KHDC3L: variants seen among roughly 807,000 people sequenced by gnomAD.
KHDC3L encodes KH domain containing 3 like, subcortical maternal complex member, also known as KH domain-containing protein 3.
In KHDC3L, 6 loss-of-function variants were observed where a neutral mutation model predicts 11.4. The ratio of observed to expected loss-of-function variants is 0.52; its 90% CI spans 0.29 to 1.03. The LOEUF (loss-of-function observed/expected upper bound fraction) is 1.03. Among genes scored for constraint, KHDC3L ranks in the 50% least tolerant of loss-of-function variants. KHDC3L has a pLI of 0.09. For synonymous variants in KHDC3L, 127 were observed against 120.9 expected (o/e 1.05, Z -0.33); for missense variants, 293 against 290.4 (o/e 1.01, Z -0.07).
Position 73,363,702 on chromosome 6 carries a change from G to C in KHDC3L, c.496G>C (p.Gly166Arg). 6.2e-7 allele frequency: 1 copy of C among 1,613,146 alleles called. No individual in the cohort carries two copies. The highest frequency in any genetic ancestry group is 1.7e-5 in the Admixed American group (1 of 60,002). ...TQRSVEVQEVGTQGSPVEVQE... is the reference protein window; with the variant it reads ...TQRSVEVQEVRTQGSPVEVQE... Reference sequence around the variant, plus strand: ...GCGTTCGGTGGAAGTCCAGGAGGTCGGGACACAGGGTTCTCCGGTGGAGGT... The same window carrying C: ...GCGTTCGGTGGAAGTCCAGGAGGTCCGGACACAGGGTTCTCCGGTGGAGGT... Residue 166 changes from glycine to arginine, a missense_variant, in exon 3 of 3, where the codon GGG becomes CGG. Transcript: ENST00000370367.
At chr6:73,363,512 T>A (rs1255542866) in intron 2 of KHDC3L, 44 bp from the exon 3 acceptor site, 1 of 1,588,334 alleles carries the variant, frequency 6.3e-7, no homozygotes, top group Non-Finnish European at 8.5e-7. Context: ...TTGGAGAGGA[T>A]ATAGAGACAC....
chr6:73,362,714 C>T lies in KHDC3L; in HGVS notation c.-16C>T. 6.2e-7 allele frequency: 1 copy of T among 1,613,698 alleles called. No homozygotes were observed. Among genetic ancestry groups the T allele is most frequent in the Non-Finnish European group, 8.5e-7 (1 of 1,179,888 alleles). ...TTTGCTGTGGTGTCCTTGTCTCCTG[C>T]AGGACCGGCCGCAGCATGGACGCTC... On this transcript the variant is annotated 5_prime_UTR_variant, in exon 1 of 3. Transcript: ENST00000370367.
chr6:73,362,956 C>G, intron 1 of KHDC3L, 58 bp downstream of exon 1: 1 of 1,610,176 alleles, frequency 6.2e-7, no homozygotes, highest in Non-Finnish European at 8.5e-7. Context: ...CCCATACCCA[C>G]AGCCCACATA....
chr6:73,362,926 C>G (rs771473640), intron 1 of KHDC3L, 28 bp downstream of exon 1: 2 of 1,614,010 alleles, frequency 1.2e-6, no homozygotes, highest in South Asian at 2.2e-5. Context: ...GGGCAGCCCC[C>G]ATGCGGCTTC....
At chr6:73,363,345 C>T (rs1469587144) in intron 2 of KHDC3L, 71 bp downstream of exon 2, 12 of 1,577,848 alleles carry the variant, frequency 7.6e-6, no homozygotes, top group African/African-American at 5.4e-5. Context: ...GGTTTCCTGG[C>T]TGCTGGGGCG....
At position 73,362,827 on chromosome 6, in the gene KHDC3L, G is replaced by T. The variant is rs370624464; in HGVS notation, c.98G>T (p.Trp33Leu). The change falls in exon 1 of 3, where the codon TGG (tryptophan) becomes TTG (leucine). Residue 33 changes from tryptophan (W) to leucine (L), a missense_variant. Physicochemically the swap from Trp to Leu is moderately conservative, Grantham distance 61. Coordinates refer to ENST00000370367, the MANE Select transcript of KHDC3L (RefSeq NM_001017361.3). ...VLGHLPKRFS[W>L]FHSEFLKNPK... The stretch of plus-strand genomic sequence containing the variant: ...GGTCACCTCCCTAAGCGGTTCTCCT[G>T]GTTCCACTCTGAGTTCCTGAAGAAT... 2.2e-5 allele frequency: 36 copies of T among 1,614,090 alleles called. No individual in the cohort carries two copies. In the East Asian group the frequency reaches 4.7e-4, roughly 21 times the overall value.
Position 73,364,080 on chromosome 6 carries a change from C to T in KHDC3L, c.*220C>T, listed in dbSNP as rs910725555. On this transcript the variant is annotated 3_prime_UTR_variant, in exon 3 of 3. Transcript: ENST00000370367. ...ACTTAAGTCCAGGAAGCTGGGGTGG[C>T]GAGGAAGGATGATGTGGATTGTTTT... 4 of 610,306 alleles carry T rather than the reference C, an allele frequency of 6.6e-6. No homozygotes were observed. In the Admixed American group the frequency reaches 8.4e-5, roughly 13 times the overall value. 37.8% of individuals were successfully genotyped at this position (610,306 alleles called of 1,614,324 possible). A position where few individuals can be genotyped will look rare whatever the true frequency, so the allele number is the denominator to read the frequency against.
rs1440019881 is a variant in KHDC3L at position 73,362,898 on chromosome 6, G to A, written c.169G>A (p.Gly57Ser). ...LEVWLVEKIF[G>S]RGGERIPHVQ... ...GGTTTGGCTGGTGGAAAAGATCTTC[G>A]GTGAGTGGACCAAGAAGGGGCAGCC... The change falls in exon 1 of 3, where the codon GGC becomes AGC. Residue 57 changes from glycine (G) to serine (S), a missense_variant and splice_region_variant. Gly to Ser is a moderately conservative substitution (Grantham distance 56). Coordinates refer to ENST00000370367, the MANE Select transcript of KHDC3L (RefSeq NM_001017361.3). 1 of 1,614,078 alleles carries A rather than the reference G, an allele frequency of 6.2e-7. No individual in the cohort carries two copies. Among genetic ancestry groups the A allele is most frequent in the East Asian group, 2.2e-5 (1 of 44,860 alleles).
rs1423671842 is a variant in KHDC3L at position 73,363,911 on chromosome 6, C to T, written c.*51C>T. On this transcript the variant is annotated 3_prime_UTR_variant, in exon 3 of 3. Transcript: ENST00000370367. ...GCCAGTCAGGGGTTAAAGTGAAAGC[C>T]CGTATTTCCGCCCAGAAGCTGGGGT... 1.3e-5 allele frequency: 21 copies of T among 1,574,152 alleles called. No homozygotes were observed. Among genetic ancestry groups the T allele is most frequent in the Non-Finnish European group, 1.8e-5 (21 of 1,157,138 alleles).
chr6:73,363,781 A>C lies in KHDC3L; in HGVS notation c.575A>C (p.Gln192Pro), dbSNP rs2150776053. The C allele has an allele frequency of 6.2e-7, 1 of 1,612,868 alleles. No individual in the cohort carries two copies. The highest frequency in any genetic ancestry group is 2.2e-5 in the East Asian group (1 of 44,824). ...SLQAANKSGT[Q>P]RSPEAASKAV... ...CAGGCTGCCAACAAGTCGGGGACCC[A>C]GCGATCCCCCGAAGCTGCCAGCAAG... is the stretch of plus-strand genomic sequence containing the variant. The change falls in exon 3 of 3, where the codon CAG becomes CCG. Residue 192 changes from glutamine to proline, a missense_variant. By Grantham distance (76) the Gln-to-Pro change is moderately conservative. Coordinates refer to ENST00000370367, the MANE Select transcript of KHDC3L (RefSeq NM_001017361.3).
At chr6:73,362,972 G>T in intron 1 of KHDC3L, 74 bp downstream of exon 1, 2 of 1,608,436 alleles carry the variant, frequency 1.2e-6, no homozygotes, top group South Asian at 1.1e-5. Flanking sequence ...ACATATTCTG[G>T]CTGCGTTCCA....
In KHDC3L at chr6:73,363,160, T is replaced by C. The variant is rs1582619348; in HGVS notation, c.235T>C (p.Leu79=). Residue 79 remains leucine, a synonymous_variant, in exon 2 of 3, where the codon TTG becomes CTG. Transcript: ENST00000370367. The part of the protein sequence containing the change: ...MSQILIHVNR[L]DPNGEAEILV... ...CCAAATCTTGATTCACGTGAATCGA[T>C]TGGACCCTAACGGCGAGGCTGAGAT... 2 of 1,614,034 alleles carry C rather than the reference T, an allele frequency of 1.2e-6. No homozygotes were observed. The highest frequency in any genetic ancestry group is 1.6e-4 in the Middle Eastern group (1 of 6,062).
rs1562275168 is a variant in KHDC3L, at chr6:73,364,140, A to C, written c.*280A>C. 1 of 526,390 alleles carries C rather than the reference A, an allele frequency of 1.9e-6. No homozygotes were observed. The highest frequency in any genetic ancestry group is 3.4e-6 in the Non-Finnish European group (1 of 291,930). The allele number at this position is 526,390 out of a possible 1,614,324, so 32.6% of individuals were successfully genotyped here. On this transcript the variant is annotated 3_prime_UTR_variant, in exon 3 of 3. Coordinates refer to ENST00000370367, the MANE Select transcript of KHDC3L (RefSeq NM_001017361.3). The stretch of plus-strand genomic sequence containing the variant: ...CCTTCTGTTGAATGGTTGCCAACAC[A>C]AACTTGAGTTCTAATAAATAATTGC...
rs756721283 is a variant in KHDC3L at position 73,363,872 on chromosome 6, G to A, written c.*12G>A. 2 of 1,605,528 alleles carry A rather than the reference G, an allele frequency of 1.2e-6. No individual in the cohort carries two copies. On this transcript the variant is annotated 3_prime_UTR_variant, in exon 3 of 3. Transcript: ENST00000370367. ...TTACTAGATTATGAAGGCATCTCAG[G>A]CCCTGGAGCCAGAGCCAGTCAGGGG...
chr6:73,363,194 T>C lies in KHDC3L; in HGVS notation c.269T>C (p.Phe90Ser). The C allele has an allele frequency of 1.2e-6, 2 of 1,614,172 alleles. No homozygotes were observed. Among genetic ancestry groups the C allele is most frequent in the Non-Finnish European group, 1.7e-6 (2 of 1,180,024 alleles). Residue 90 changes from phenylalanine to serine, a missense_variant, in exon 2 of 3, where the codon TTT (phenylalanine) becomes TCT (serine). By Grantham distance (155) the Phe-to-Ser change is radical. Coordinates refer to ENST00000370367, the MANE Select transcript of KHDC3L (RefSeq NM_001017361.3). ...DPNGEAEILV[F>S]GRPSYQEDTI... ...AACGGCGAGGCTGAGATCTTGGTAT[T>C]TGGGAGGCCTTCTTACCAGGAGGAC... is the stretch of plus-strand genomic sequence containing the variant.
rs776772428 is a variant in KHDC3L, at chr6:73,363,839, G to C, written c.633G>C (p.Arg211=). 13 of 1,610,108 alleles carry C rather than the reference G, an allele frequency of 8.1e-6. No individual in the cohort carries two copies. Among genetic ancestry groups the C allele is most frequent in the South Asian group, 7.7e-5 (7 of 91,090 alleles). ...CCCAGCGGTTTCGCGAGGATGCCCG[G>C]GACCCAGTTACTAGATTATGAAGGC... ...AVTQRFREDA[R]DPVTRL Residue 211 remains arginine, a synonymous_variant, in exon 3 of 3, where the codon CGG becomes CGC. Transcript: ENST00000370367.
Position 73,363,709 on chromosome 6 carries a change from A to T in KHDC3L, c.503A>T (p.Gln168Leu). 1 of 1,612,688 alleles carries T rather than the reference A, an allele frequency of 6.2e-7. No individual in the cohort carries two copies. ...GTGGAAGTCCAGGAGGTCGGGACACAGGGTTCTCCGGTGGAGGTGCAGGAG... is the reference window on the plus strand; with the variant it reads ...GTGGAAGTCCAGGAGGTCGGGACACTGGGTTCTCCGGTGGAGGTGCAGGAG... ...RSVEVQEVGT[Q>L]GSPVEVQEAG... The change falls in exon 3 of 3, where the codon CAG becomes CTG. Residue 168 changes from glutamine to leucine, a missense_variant. Transcript: ENST00000370367.
rs1297071775 is a variant in KHDC3L, at chr6:73,363,313, G to A, written c.349+39G>A. The A allele has an allele frequency of 1.9e-6, 3 of 1,605,514 alleles. No individual in the cohort carries two copies. In the African/African-American group the frequency reaches 4.0e-5, roughly 21 times the overall value. On this transcript the variant is annotated intron_variant, in intron 2 of 2. Transcript: ENST00000370367. ...AATAGGGCTACCTGGAGCAAACCCT[G>A]GCTCCGTAGGAGTGATCCTGGGGTT...
Position 73,363,744 on chromosome 6 carries a change from C to G in KHDC3L, c.538C>G (p.Gln180Glu). The G allele has an allele frequency of 6.2e-7, 1 of 1,613,846 alleles. No homozygotes were observed. Among genetic ancestry groups the G allele is most frequent in the East Asian group, 2.2e-5 (1 of 44,832 alleles). Residue 180 changes from glutamine to glutamate, a missense_variant, in exon 3 of 3, where the codon CAG (glutamine) becomes GAG (glutamate). By Grantham distance (29) the Gln-to-Glu change is conservative. Coordinates refer to ENST00000370367, the MANE Select transcript of KHDC3L (RefSeq NM_001017361.3). Reference sequence around the variant, plus strand: ...GGTGGAGGTGCAGGAGGCCGGGACCCAGCAGTCTCTCCAGGCTGCCAACAA... The same window carrying G: ...GGTGGAGGTGCAGGAGGCCGGGACCGAGCAGTCTCTCCAGGCTGCCAACAA... The part of the protein sequence containing the change: ...SPVEVQEAGT[Q>E]QSLQAANKSG...
Sources: allele counts gnomAD v4.1 joint callset, GRCh38; gene constraint gnomAD v4.1.1; transcripts MANE v1.5; gene names NCBI Gene and HGNC (gene_info 2026-07-23, HGNC 2026-07-21).